The following RPS6KB2 variants were observed in gnomAD, a reference collection of about 807,000 sequenced individuals.
RPS6KB2 encodes the protein ribosomal protein S6 kinase B2.
RPS6KB2 carries 51 observed loss-of-function variants against 58.2 expected under a neutral mutation model. That is an observed-to-expected ratio of 0.88 (90% CI 0.70 to 1.11). The LOEUF is 1.11. Among genes scored for constraint, RPS6KB2 ranks in the 50% least tolerant of loss-of-function variants. The probability of loss-of-function intolerance (pLI) is 0.00; values close to 1 mark genes in which losing one functional copy is unlikely to be tolerated. For synonymous variants in RPS6KB2, 293 were observed against 258.6 expected (o/e 1.13, Z -1.28); for missense variants, 671 against 655.8 (o/e 1.02, Z -0.25).
chr11:67,434,753 G>A (rs746328144), intron 14 of RPS6KB2, 59 bp downstream of exon 14: 5 of 1,380,762 alleles, frequency 3.6e-6, no homozygotes, highest in Non-Finnish European at 5.0e-6. Flanking sequence ...CAGGATGCCA[G>A]CTCCAGCCTT....
chr11:67,428,591 G>A lies in RPS6KB2; in HGVS notation c.46G>A (p.Glu16Lys). ...GGATTTGGAGACGGAGGAAGGCAGC[G>A]AGGGCGAGGGCGAGCCAGAGCTCAG... ...DLDLETEEGS[E>K]GEGEPELSPA... The change falls in exon 1 of 15, where the codon GAG becomes AAG. Residue 16 changes from glutamate (E) to lysine (K), a missense_variant. By Grantham distance (56) the Glu-to-Lys change is moderately conservative (BLOSUM62 1). Transcript: ENST00000312629. 1.2e-6 allele frequency: 2 copies of A among 1,610,914 alleles called. No homozygotes were observed. Among genetic ancestry groups the A allele is most frequent in the Non-Finnish European group, 1.7e-6 (2 of 1,179,192 alleles).
intron 1 of RPS6KB2, 163 bp from the exon 2 acceptor site, chr11:67,428,819 C>G (rs750244528): frequency 1.0e-6 from 1 of 977,010 alleles, no homozygotes; most frequent in Non-Finnish European, 1.6e-6. Context: ...CCTTTTCTCC[C>G]GATTCTCCCT....
intron 10 of RPS6KB2, among the ~76,000 whole-genome samples, chr11:67,433,660 C>G (rs1260399099): frequency 1.3e-5 from 2 of 152,216 alleles, no homozygotes; most frequent in Non-Finnish European, 2.9e-5. Context: ...TAGGCTGAGT[C>G]CTAACCAGTG....
Position 67,435,307 on chromosome 11 carries a change from TG to T in RPS6KB2, c.*142del. 1.2e-6 allele frequency: 1 copy of T among 838,614 alleles called. No individual in the cohort carries two copies. The highest frequency in any genetic ancestry group is 1.8e-5 in the South Asian group (1 of 54,452). The allele number at this position is 838,614 out of a possible 1,614,324, so 51.9% of individuals were successfully genotyped here. On this transcript the variant is annotated 3_prime_UTR_variant, in exon 15 of 15. Transcript: ENST00000312629. Reference sequence around the variant, plus strand: ...AGTGCGTATGAAAGTGTGTGTCTGCTGGGGCAGCTGTGCCCCTGAATCATGG... The same window carrying T: ...AGTGCGTATGAAAGTGTGTGTCTGCTGGGCAGCTGTGCCCCTGAATCATGG...
intron 11 of RPS6KB2, 50 bp downstream of exon 11, chr11:67,434,107 G>T (rs762249060): frequency 1.2e-5 from 20 of 1,612,434 alleles, no homozygotes; most frequent in Non-Finnish European, 1.6e-5. Context: ...CAAGGGTGCC[G>T]GGAATGGGGG....
rs971549825 is a variant in RPS6KB2, at chr11:67,435,338, G to A, written c.*169G>A. ...AGCTGTGCCCCTGAATCATGGGCAC[G>A]GAGGGCCGCCCGCCACGCCCCGCGC... On this transcript the variant is annotated 3_prime_UTR_variant, in exon 15 of 15. Transcript: ENST00000312629. 23 of 702,482 alleles carry A rather than the reference G, an allele frequency of 3.3e-5. No individual in the cohort carries two copies. The highest frequency in any genetic ancestry group is 5.6e-5 in the East Asian group (2 of 35,580). 43.5% of individuals were successfully genotyped at this position (702,482 alleles called of 1,614,324 possible). A position where few individuals can be genotyped will look rare whatever the true frequency, so the allele number is the denominator to read the frequency against.
Position 67,432,737 on chromosome 11 carries a change from C to T in RPS6KB2, c.516C>T (p.Cys172=), listed in dbSNP as rs1410053264. ...CCTTCACCCTGTCTTGTTTCTGCAG[C>T]TTCTACCTGGCTGAGATCACGCTGG... ...REGIFLEDTA[C]FYLAEITLAL... is the part of the protein sequence containing the mutation. Residue 172 remains cysteine, a splice_region_variant and synonymous_variant, in exon 7 of 15, where the codon TGC becomes TGT. Transcript: ENST00000312629. The T allele has an allele frequency of 1.9e-6, 3 of 1,614,174 alleles. No homozygotes were observed. The highest frequency in any genetic ancestry group is 1.3e-5 in the African/African-American group (1 of 75,056).
Position 67,429,152 on chromosome 11 carries a change from CTG to C in RPS6KB2, c.153_154del (p.Glu52AspfsTer16). 1.9e-6 allele frequency: 3 copies of C among 1,613,910 alleles called. No individual in the cohort carries two copies. In the South Asian group the frequency reaches 3.3e-5, roughly 18 times the overall value. ...GGACACTATGAAGAGGTGGAGCTGACTGAGACCAGCGTGAACGTTGGCCCAGA... is the reference window on the plus strand; with the variant it reads ...GGACACTATGAAGAGGTGGAGCTGACAGACCAGCGTGAACGTTGGCCCAGA... On this transcript the variant is annotated frameshift_variant, in exon 3 of 15. Transcript: ENST00000312629. LOFTEE classifies it high-confidence loss of function.
Position 67,433,325 on chromosome 11 carries a change from T to TTCC in RPS6KB2, c.799-5_799-3dup. ...GGAGGCCCACAAGGCTCCTCTCACCTTCCTCCTCCTCCAGCCGCCCTTCAC... is the reference window on the plus strand; with the variant it reads ...GGAGGCCCACAAGGCTCCTCTCACCTTCCTCCTCCTCCTCCAGCCGCCCTTCAC... On this transcript the variant is annotated splice_polypyrimidine_tract_variant and intron_variant, in intron 9 of 14. Transcript: ENST00000312629. 6.2e-7 allele frequency: 1 copy of TTCC among 1,610,118 alleles called. No individual in the cohort carries two copies. Among genetic ancestry groups the TTCC allele is most frequent in the Non-Finnish European group, 8.5e-7 (1 of 1,176,776 alleles).
At position 67,432,646 on chromosome 11, in the gene RPS6KB2, A is replaced by T. The variant is rs1320538766; in HGVS notation, c.504A>T (p.Glu168Asp). ...THLEREGIFLEDTACFYLAEI... is the reference protein window; with the variant it reads ...THLEREGIFLDDTACFYLAEI... ...TGGAGCGAGAGGGCATCTTCCTGGA[A>T]GATACGGCCTGGTGGGTGTTAATCC... The change falls in exon 6 of 15, where the codon GAA (glutamate) becomes GAT (aspartate). Residue 168 changes from glutamate (E) to aspartate (D), a missense_variant. Physicochemically the swap from Glu to Asp is conservative, Grantham distance 45 (BLOSUM62 2). Transcript: ENST00000312629. The T allele has an allele frequency of 6.2e-7, 1 of 1,614,132 alleles. No homozygotes were observed. The highest frequency in any genetic ancestry group is 1.7e-5 in the Admixed American group (1 of 60,024).
intron 5 of RPS6KB2, 49 bp from the exon 6 acceptor site, chr11:67,432,551 C>T (rs1352756126): frequency 3.1e-6 from 5 of 1,604,628 alleles, no homozygotes; most frequent in Non-Finnish European, 3.4e-6. Flanking sequence ...TCAGAAAGCA[C>T]AAAGGGGCTT....
intron 1 of RPS6KB2, 142 bp downstream of exon 1, chr11:67,428,765 G>T (rs992311631): frequency 1.1e-6 from 1 of 948,048 alleles, no homozygotes; most frequent in Non-Finnish European, 1.6e-6. Context: ...TCTCTATTAA[G>T]TTCTGATCCC....
At chr11:67,432,496 G>A (rs1864059607) in intron 5 of RPS6KB2, 104 bp from the exon 6 acceptor site, 1 of 1,211,848 alleles carries the variant, frequency 8.3e-7, no homozygotes, top group East Asian at 2.3e-5. Context: ...GAGGCAGGTA[G>A]GGCGGGAATT....
intron 4 of RPS6KB2, 164 bp downstream of exon 4, chr11:67,429,759 A>C: frequency 1.7e-5 from 10 of 605,282 alleles, no homozygotes; most frequent in East Asian, 2.8e-5. Context: ...AGTAATTCTC[A>C]ATGGGGGCAA....
intron 5 of RPS6KB2, chr11:67,432,158 C>T: frequency 2.7e-6 from 1 of 377,018 alleles, no homozygotes; most frequent in South Asian, 2.0e-5. Context: ...GAGCTTCTGC[C>T]TCCATGCTCT....
rs1415732150 is a variant in RPS6KB2, at chr11:67,433,199, G to C, written c.781G>C (p.Asp261His). 1.2e-6 allele frequency: 2 copies of C among 1,606,208 alleles called. No homozygotes were observed. The highest frequency in any genetic ancestry group is 1.7e-6 in the Non-Finnish European group (2 of 1,178,782). Residue 261 changes from aspartate (D) to histidine (H), a missense_variant, in exon 9 of 15, where the codon GAC becomes CAC. Coordinates refer to ENST00000312629, the MANE Select transcript of RPS6KB2 (RefSeq NM_003952.3). Reference sequence around the variant, plus strand: ...GTGGAGCCTGGGGGCCCTGATGTACGACATGCTCACTGGATCGGCAAGTCC... The same window carrying C: ...GTGGAGCCTGGGGGCCCTGATGTACCACATGCTCACTGGATCGGCAAGTCC... The part of the protein sequence containing the change: ...DWWSLGALMY[D>H]MLTGSPPFTA...
rs200448294 is a variant in RPS6KB2 at position 67,434,259 on chromosome 11, C to G, written c.1031C>G (p.Pro344Arg). The G allele has an allele frequency of 2.5e-6, 4 of 1,613,652 alleles. No homozygotes were observed. In the South Asian group the frequency reaches 3.3e-5, roughly 13 times the overall value. ...DDLLAWRVDP[P>R]FRPCLQSEED... ...CTTCTGGCCTGGCGTGTGGACCCCC[C>G]TTTCAGGCCCTGTCTGGTGAGCAGC... Residue 344 changes from proline to arginine, a missense_variant, in exon 12 of 15, where the codon CCT (proline) becomes CGT (arginine). By Grantham distance (103) the Pro-to-Arg change is moderately radical. Transcript: ENST00000312629.
At position 67,429,645 on chromosome 11, in the gene RPS6KB2, A is replaced by T. The variant is rs1272132667; in HGVS notation, c.309+50A>T. On this transcript the variant is annotated intron_variant, in intron 4 of 14. Coordinates refer to ENST00000312629, the MANE Select transcript of RPS6KB2 (RefSeq NM_003952.3). Reference sequence around the variant, plus strand: ...ATACTGTGTGGCTGCCATTCCCAACATGCTGTACCAGGCTTTGGGAAGACA... The same window carrying T: ...ATACTGTGTGGCTGCCATTCCCAACTTGCTGTACCAGGCTTTGGGAAGACA... The T allele has an allele frequency of 5.0e-6, 7 of 1,413,576 alleles. No individual in the cohort carries two copies. The Admixed American group carries it at 1.3e-4, about 27-fold the overall frequency. The allele number at this position is 1,413,576 out of a possible 1,614,324, so 87.6% of individuals were successfully genotyped here. A position where few individuals can be genotyped will look rare whatever the true frequency, so the allele number is the denominator to read the frequency against.
Position 67,432,631 on chromosome 11 carries a change from G to A in RPS6KB2, c.489G>A (p.Glu163=). The A allele has an allele frequency of 6.2e-7, 1 of 1,614,190 alleles. No individual in the cohort carries two copies. The highest frequency in any genetic ancestry group is 1.7e-5 in the Admixed American group (1 of 60,026). Reference sequence around the variant, plus strand: ...AGCTCTTCACGCATCTGGAGCGAGAGGGCATCTTCCTGGAAGATACGGCCT... The same window carrying A: ...AGCTCTTCACGCATCTGGAGCGAGAAGGCATCTTCCTGGAAGATACGGCCT... ...GGELFTHLER[E]GIFLEDTACF... Residue 163 remains glutamate (E), a synonymous_variant, in exon 6 of 15, where the codon GAG becomes GAA. Coordinates refer to ENST00000312629, the MANE Select transcript of RPS6KB2 (RefSeq NM_003952.3).
Sources: allele counts gnomAD v4.1 joint callset (sites outside exome capture counted in the v4.1 genomes callset), GRCh38; gene constraint gnomAD v4.1.1; transcripts MANE v1.5; gene names NCBI Gene and HGNC (gene_info 2026-07-23, HGNC 2026-07-21).